The following CYRIB variants were observed in gnomAD, a reference collection of about 807,000 sequenced individuals.
The protein encoded by CYRIB is CYFIP-related Rac1 interactor B.
A neutral mutation model predicts 44.2 loss-of-function variants in CYRIB; 8 were observed. The ratio of observed to expected loss-of-function variants is 0.18; its 90% CI spans 0.11 to 0.33. The LOEUF (loss-of-function observed/expected upper bound fraction) is 0.33, where lower values mean the gene tolerates loss of function less well. Ranked by LOEUF, CYRIB falls within the 10% of genes least tolerant of loss-of-function variation. The pLI is 1.00. For synonymous variants in CYRIB, 131 were observed against 127.2 expected (o/e 1.03, Z -0.20); for missense variants, 185 against 382.8 (o/e 0.48, Z 4.31).
intron 1 of CYRIB, chr8:130,004,674 G>C (rs1386340336): frequency 6.6e-6 from 1 of 151,276 alleles, no homozygotes; most frequent in African/African-American, 2.4e-5. Context: ...TTTATGCATT[G>C]ACTCACTGAT....
chr8:129,895,761 T>C (rs1020308027), intron 2 of CYRIB, among the ~76,000 whole-genome samples: 2 of 152,202 alleles, frequency 1.3e-5, no homozygotes, highest in Non-Finnish European at 2.9e-5. Context: ...TGAAACACGG[T>C]CTTGCTCTGT....
At chr8:129,857,303 T>C (rs140441646) in intron 5 of CYRIB, among the ~76,000 whole-genome samples, 5 of 152,170 alleles carry the variant, frequency 3.3e-5, no homozygotes, top group East Asian at 1.9e-4. Context: ...CCTCACCTAA[T>C]GGAAGGCCCA....
chr8:129,984,371 C>T (rs2096370888), intron 1 of CYRIB, among the ~76,000 whole-genome samples: 1 of 152,082 alleles, frequency 6.6e-6, no homozygotes, highest in Non-Finnish European at 1.5e-5. Flanking sequence ...ACTGAGCATC[C>T]AAGTGCGGGA....
rs78354287 is a variant in CYRIB, at chr8:129,866,162, C to T, written c.196-3828G>A. On this transcript the variant is annotated intron_variant, in intron 4 of 11. Coordinates refer to ENST00000519824, the Ensembl canonical transcript of CYRIB. Reference sequence around the variant, plus strand: ...ATTTTTCTTGTCCCTGCTCAAACTACCCTAAAATCCTTATCATTCAACAAA... The same window carrying T: ...ATTTTTCTTGTCCCTGCTCAAACTATCCTAAAATCCTTATCATTCAACAAA... Among the ~76,000 whole-genome samples the T allele has an allele frequency of 6.4e-4, 97 of 152,292 alleles. 2 individuals carry two copies. In the East Asian group the frequency reaches 0.016, roughly 25 times the overall value.
intron 2 of CYRIB, among the ~76,000 whole-genome samples, chr8:129,966,496 T>C (rs907470653): frequency 2.6e-5 from 4 of 152,170 alleles, no homozygotes; most frequent in African/African-American, 9.7e-5. Flanking sequence ...TGTCTCTTCT[T>C]GCCCCTGTGA....
At chr8:130,013,237 G>A (rs1336691583) in intron 1 of CYRIB, among the ~76,000 whole-genome samples, 1 of 152,178 alleles carries the variant, frequency 6.6e-6, no homozygotes, top group East Asian at 1.9e-4. Context: ...CTACTGCCAG[G>A]AGCAACACAT....
intron 2 of CYRIB, among the ~76,000 whole-genome samples, chr8:129,953,554 T>G (rs1292550209): frequency 5.9e-5 from 9 of 152,172 alleles, no homozygotes; most frequent in Non-Finnish European, 1.3e-4. Flanking sequence ...GTATGGTTAT[T>G]GTGTGGTTCC....
chr8:129,848,608 A>G (rs1321697384), intron 10 of CYRIB, among the ~76,000 whole-genome samples: 1 of 152,098 alleles, frequency 6.6e-6, no homozygotes, highest in East Asian at 1.9e-4. Context: ...TCTCTCTCTC[A>G]CCCAGACTGA....
intron 1 of CYRIB, among the ~76,000 whole-genome samples, chr8:130,012,484 C>G (rs16904188): frequency 1.3e-5 from 2 of 151,858 alleles, no homozygotes; most frequent in African/African-American, 4.8e-5. Flanking sequence ...AGGGGAGGGA[C>G]AGAAAGAGCA....
At chr8:129,928,556 A>G (rs1309341466) in intron 1 of CYRIB, among the ~76,000 whole-genome samples, 1 of 152,074 alleles carries the variant, frequency 6.6e-6, no homozygotes, top group Non-Finnish European at 1.5e-5. Context: ...GCCCTTTGGG[A>G]GGCTGAAGCA....
chr8:129,933,893 A>G (rs1293820473), intron 1 of CYRIB, among the ~76,000 whole-genome samples: 1 of 141,918 alleles, frequency 7.0e-6, no homozygotes, highest in Non-Finnish European at 1.6e-5. Flanking sequence ...CACACAAAAA[A>G]AAAAAGAAGA....
chr8:129,911,354 G>C (rs2077905020), intron 1 of CYRIB, among the ~76,000 whole-genome samples: 1 of 152,206 alleles, frequency 6.6e-6, no homozygotes, highest in Non-Finnish European at 1.5e-5. Flanking sequence ...GGACAGAAAT[G>C]AGGAAGGGAA....
At chr8:130,006,046 T>C (rs931663271) in intron 1 of CYRIB, among the ~76,000 whole-genome samples, 1 of 152,142 alleles carries the variant, frequency 6.6e-6, no homozygotes, top group South Asian at 2.1e-4. Flanking sequence ...CTCATGCCTG[T>C]AATCCCAGCA....
chr8:129,900,553 G>T (rs1378792955), intron 2 of CYRIB, among the ~76,000 whole-genome samples: 1 of 152,162 alleles, frequency 6.6e-6, no homozygotes, highest in Admixed American at 6.6e-5. Context: ...GTGACTTTCT[G>T]CAAGTCTCTA....
At chr8:129,955,745 C>T (rs2094788540) in intron 2 of CYRIB, among the ~76,000 whole-genome samples, 1 of 152,146 alleles carries the variant, frequency 6.6e-6, no homozygotes, top group Non-Finnish European at 1.5e-5. Context: ...ACATACAAAG[C>T]GGTGTTGATG....
intron 1 of CYRIB, among the ~76,000 whole-genome samples, chr8:129,904,119 C>T (rs1221671886): frequency 6.6e-6 from 1 of 152,026 alleles, no homozygotes. Context: ...TATAACTTTG[C>T]AAATAAGGTT....
chr8:130,016,022 C>A (rs897200836), intron 1 of CYRIB, among the ~76,000 whole-genome samples: 5 of 151,894 alleles, frequency 3.3e-5, no homozygotes, highest in Non-Finnish European at 7.4e-5. Flanking sequence ...CCACCCCGAC[C>A]CGAGCGCCCC....
intron 4 of CYRIB, among the ~76,000 whole-genome samples, chr8:129,869,224 A>G (rs1191401196): frequency 6.6e-6 from 1 of 151,588 alleles, no homozygotes; most frequent in Non-Finnish European, 1.5e-5. Flanking sequence ...CATCTCTACT[A>G]AAAATACAAA....
At chr8:129,976,745 C>G (rs1344435966) in intron 1 of CYRIB, among the ~76,000 whole-genome samples, 1 of 152,004 alleles carries the variant, frequency 6.6e-6, no homozygotes, top group Non-Finnish European at 1.5e-5. Flanking sequence ...TTCTGAGAAG[C>G]CAAACATTTG....
Sources: gnomAD v4.1 joint callset for allele counts (sites outside exome capture counted in the v4.1 genomes callset) on GRCh38, gnomAD v4.1.1 for gene constraint, MANE v1.5 for transcripts, NCBI Gene and HGNC (gene_info 2026-07-23, HGNC 2026-07-21) for gene names.